The following SEMA3E variants were observed in gnomAD, a reference collection of about 807,000 sequenced individuals.
SEMA3E encodes semaphorin-3E.
In SEMA3E, 49 loss-of-function variants were observed where a neutral mutation model predicts 93.6. That is an observed-to-expected ratio of 0.52 (90% CI 0.42 to 0.66). The LOEUF is 0.66. Ranked by LOEUF, SEMA3E falls within the 30% of genes least tolerant of loss-of-function variation. The pLI, the probability that SEMA3E is intolerant of heterozygous loss-of-function variation, is 0.00. For missense variants in SEMA3E, 906 were observed against 964.8 expected (o/e 0.94, Z 0.81); for synonymous variants, 363 against 330.7 (o/e 1.10, Z -1.06).
chr7:83,395,897 G>A (rs1360035525), intron 12 of SEMA3E, among the ~76,000 whole-genome samples: 2 of 152,048 alleles, frequency 1.3e-5, no homozygotes, highest in Admixed American at 6.6e-5. Flanking sequence ...AGAAGGTTAC[G>A]TATTGATCTG....
At chr7:83,512,914 G>A (rs781410101) in intron 1 of SEMA3E, among the ~76,000 whole-genome samples, 1 of 152,048 alleles carries the variant, frequency 6.6e-6, no homozygotes. Context: ...ATTTTACTCA[G>A]GTTTTTACAT....
chr7:83,476,722 G>T (rs982191056), intron 2 of SEMA3E, among the ~76,000 whole-genome samples: 8 of 152,134 alleles, frequency 5.3e-5, no homozygotes, highest in African/African-American at 1.9e-4. Context: ...TTGGCAGTCA[G>T]GATGCCTTTT....
chr7:83,397,452 C>T (rs988172596), intron 11 of SEMA3E, among the ~76,000 whole-genome samples: 5 of 152,058 alleles, frequency 3.3e-5, no homozygotes, highest in African/African-American at 1.2e-4. Context: ...CCAAGCAACA[C>T]ACTGTGAAAC....
chr7:83,546,058 CATATT>C, intron 1 of SEMA3E, among the ~76,000 whole-genome samples: 1 of 146,230 alleles, frequency 6.8e-6, no homozygotes, highest in African/African-American at 2.5e-5. Context: ...TATATGTACA[CATATT>C]ATCCCACGAT....
chr7:83,601,010 A>C (rs1792984424), intron 1 of SEMA3E, among the ~76,000 whole-genome samples: 1 of 152,218 alleles, frequency 6.6e-6, no homozygotes, highest in Non-Finnish European at 1.5e-5. Context: ...AAACCAATGC[A>C]ATCACAAGAG....
intron 1 of SEMA3E, among the ~76,000 whole-genome samples, chr7:83,544,068 T>C (rs879286051): frequency 9.9e-5 from 15 of 152,092 alleles, no homozygotes; most frequent in Non-Finnish European, 2.1e-4. Flanking sequence ...AAAAAAATTA[T>C]ATAAAGTACC....
At chr7:83,388,980 T>A (rs1787939888) in intron 14 of SEMA3E, among the ~76,000 whole-genome samples, 1 of 152,002 alleles carries the variant, frequency 6.6e-6, no homozygotes, top group South Asian at 2.1e-4. Context: ...TTTGGGATTA[T>A]GACCTGTGTA....
chr7:83,486,422 T>C (rs535297693), intron 2 of SEMA3E, among the ~76,000 whole-genome samples: 3 of 151,792 alleles, frequency 2.0e-5, no homozygotes, highest in Non-Finnish European at 4.4e-5. Flanking sequence ...GGGAGAGATT[T>C]AAAAAAAATG....
chr7:83,472,696 C>T (rs960539937), intron 2 of SEMA3E, among the ~76,000 whole-genome samples: 1 of 152,272 alleles, frequency 6.6e-6, no homozygotes, highest in Non-Finnish European at 1.5e-5. Flanking sequence ...TACTTAATTG[C>T]CTCCATTGAA....
intron 1 of SEMA3E, among the ~76,000 whole-genome samples, chr7:83,551,466 C>A (rs1013698520): frequency 2.0e-5 from 3 of 151,236 alleles, no homozygotes. Context: ...TTAAACAAAA[C>A]AATAAGAGTG....
intron 9 of SEMA3E, among the ~76,000 whole-genome samples, chr7:83,404,370 C>T (rs1017795347): frequency 5.3e-5 from 8 of 151,810 alleles, no homozygotes; most frequent in Non-Finnish European, 1.2e-4. Flanking sequence ...AAAGACCCCA[C>T]GTAAGCACAG....
At chr7:83,482,306 T>C (rs1440246993) in intron 2 of SEMA3E, among the ~76,000 whole-genome samples, 2 of 151,922 alleles carry the variant, frequency 1.3e-5, no homozygotes, top group East Asian at 1.9e-4. Flanking sequence ...GTGGCCCACG[T>C]CTGTAATCCC....
At chr7:83,412,769 A>G (rs116602325) in intron 5 of SEMA3E, among the ~76,000 whole-genome samples, 76,012 of 150,392 alleles carry the variant, frequency 0.51, 22,105 homozygotes, top group East Asian at 0.84. Flanking sequence ...GATAAAAAAA[A>G]AAAAAAAAAC....
intron 1 of SEMA3E, among the ~76,000 whole-genome samples, chr7:83,538,847 C>A (rs557032818): frequency 2.0e-5 from 3 of 152,262 alleles, no homozygotes; most frequent in Non-Finnish European, 2.9e-5. Flanking sequence ...ATCTCATCTG[C>A]TGAAGGTCAG....
intron 1 of SEMA3E, among the ~76,000 whole-genome samples, chr7:83,509,271 T>C (rs1430409655): frequency 3.3e-5 from 5 of 152,038 alleles, no homozygotes; most frequent in African/African-American, 1.2e-4. Context: ...ATGAGGATAA[T>C]ATTAGGTGAG....
In SEMA3E at chr7:83,490,252, T is replaced by C; in HGVS notation, c.138A>G (p.Thr46=). The part of the protein sequence containing the change: ...SHKELLNLNR[T]SIFHSPFGFL... ...ATCCAAAAGGGCTATGAAATATTGA[T>C]GTTCTGTTCAGATTCAAGAGCTCTG... Residue 46 remains threonine (T), a synonymous_variant, in exon 2 of 17, where the codon ACA becomes ACG. Coordinates refer to ENST00000643230, the MANE Select transcript of SEMA3E (RefSeq NM_012431.3). The C allele has an allele frequency of 2.5e-6, 4 of 1,612,658 alleles. No individual in the cohort carries two copies. The highest frequency in any genetic ancestry group is 2.5e-6 in the Non-Finnish European group (3 of 1,179,330).
At chr7:83,466,447 T>C (rs370819199) in intron 4 of SEMA3E, 35 bp downstream of exon 4, 6 of 1,612,158 alleles carry the variant, frequency 3.7e-6, no homozygotes, top group Non-Finnish European at 5.1e-6. Context: ...TTTTAAGCAT[T>C]GTTTTTATTG....
At chr7:83,404,128 G>C (rs1210190610) in intron 9 of SEMA3E, among the ~76,000 whole-genome samples, 1 of 151,876 alleles carries the variant, frequency 6.6e-6, no homozygotes. Context: ...CATAAGGGAG[G>C]AGATGAAGTT....
At chr7:83,378,175 G>A (rs1787695225) in intron 16 of SEMA3E, among the ~76,000 whole-genome samples, 1 of 151,892 alleles carries the variant, frequency 6.6e-6, no homozygotes, top group Non-Finnish European at 1.5e-5. Context: ...GAATTTAAAT[G>A]AAGATAGAAG....
Sources: gnomAD v4.1 joint callset for allele counts (sites outside exome capture counted in the v4.1 genomes callset) on GRCh38, gnomAD v4.1.1 for gene constraint, MANE v1.5 for transcripts, NCBI Gene and HGNC (gene_info 2026-07-23, HGNC 2026-07-21) for gene names.